The following ITGB8 variants were observed in gnomAD, a reference collection of about 807,000 sequenced individuals.
The protein encoded by ITGB8 is integrin subunit beta 8, also known as integrin beta-8.
In ITGB8, 30 loss-of-function variants were observed where a neutral mutation model predicts 89.5. The observed-to-expected ratio is 0.34, with a 90% CI of 0.25 to 0.45. The LOEUF is 0.45. Among genes scored for constraint, ITGB8 ranks in the 20% least tolerant of loss-of-function variants. The pLI is 1.00. For missense variants in ITGB8, 836 were observed against 933.3 expected (o/e 0.90, Z 1.36); for synonymous variants, 335 against 320.4 (o/e 1.05, Z -0.49).
chr7:20,399,096 A>T, intron 9 of ITGB8, 102 bp downstream of exon 9: 1 of 1,167,194 alleles, frequency 8.6e-7, no homozygotes, highest in Non-Finnish European at 1.2e-6. Flanking sequence ...CTTACTACTG[A>T]CTCTAAGAAT....
At chr7:20,392,431 C>A (rs1786898827) in intron 7 of ITGB8, among the ~76,000 whole-genome samples, 1 of 152,170 alleles carries the variant, frequency 6.6e-6, no homozygotes, top group African/African-American at 2.4e-5. Context: ...GCTGGTGTTC[C>A]CCCTACCAGT....
At chr7:20,363,567 A>C (rs1377141849) in intron 1 of ITGB8, 70 bp from the exon 2 acceptor site, 2 of 838,948 alleles carry the variant, frequency 2.4e-6, no homozygotes, top group African/African-American at 3.5e-5. Context: ...CATTTGTTTC[A>C]TTTTAGTCTA....
At chr7:20,381,924 T>G in intron 6 of ITGB8, 39 bp downstream of exon 6, 1 of 1,536,240 alleles carries the variant, frequency 6.5e-7, no homozygotes, top group South Asian at 1.2e-5. Flanking sequence ...ATGACTCTTT[T>G]GGTTAAAGTA....
intron 6 of ITGB8, among the ~76,000 whole-genome samples, chr7:20,384,821 T>A (rs1165971423): frequency 6.6e-6 from 1 of 152,236 alleles, no homozygotes; most frequent in East Asian, 1.9e-4. Context: ...ACATATAAAA[T>A]AATTTATATT....
intron 11 of ITGB8, 50 bp from the exon 12 acceptor site, chr7:20,406,012 C>T (rs41273824): frequency 2.8e-4 from 305 of 1,079,780 alleles, no homozygotes; most frequent in Non-Finnish European, 4.1e-4. Context: ...ATATTATAGT[C>T]CACCACCTTT....
chr7:20,378,678 G>A (rs1023764364), intron 3 of ITGB8, among the ~76,000 whole-genome samples: 2 of 151,932 alleles, frequency 1.3e-5, no homozygotes, highest in East Asian at 1.9e-4. Context: ...TCTTGAGATC[G>A]AATGCCGCTT....
At chr7:20,378,419 A>G (rs1786242955) in intron 3 of ITGB8, among the ~76,000 whole-genome samples, 2 of 152,172 alleles carry the variant, frequency 1.3e-5, no homozygotes, top group African/African-American at 4.8e-5. Context: ...ACCATTCTTT[A>G]GCCCACTGTC....
chr7:20,379,534 A>AAAC, intron 4 of ITGB8: 1 of 181,666 alleles, frequency 5.5e-6, no homozygotes, highest in East Asian at 1.3e-4. Flanking sequence ...ACCAAAAAAA[A>AAAC]CAAAAAAACA....
rs989959179 is a variant in ITGB8 at position 20,410,192 on chromosome 7, T to A, written c.*195T>A. ...AGCTGCTGACTTTTTCAGAGAAAAA[T>A]GTGTCTTACTACTGTTTGAGACTAG... On this transcript the variant is annotated 3_prime_UTR_variant, in exon 14 of 14. Transcript: ENST00000222573. The A allele has an allele frequency of 1.2e-5, 7 of 578,822 alleles. No homozygotes were observed. Among genetic ancestry groups the A allele is most frequent in the Non-Finnish European group, 2.1e-5 (7 of 326,690 alleles). The allele number at this position is 578,822 out of a possible 1,614,324, so 35.9% of individuals were successfully genotyped here.
intron 7 of ITGB8, among the ~76,000 whole-genome samples, chr7:20,394,206 T>A (rs1036714910): frequency 6.6e-6 from 1 of 152,216 alleles, no homozygotes; most frequent in Non-Finnish European, 1.5e-5. Context: ...ATTTCAAAAC[T>A]TTTTACCATC....
At chr7:20,361,591 T>A (rs1387336321) in intron 1 of ITGB8, among the ~76,000 whole-genome samples, 4 of 152,200 alleles carry the variant, frequency 2.6e-5, no homozygotes. Flanking sequence ...AGGCCCCAGC[T>A]CTTAATACTA....
intron 1 of ITGB8, among the ~76,000 whole-genome samples, chr7:20,344,793 C>A (rs981381389): frequency 6.6e-6 from 1 of 152,170 alleles, no homozygotes; most frequent in Admixed American, 6.5e-5. Flanking sequence ...AGAGAGAGAG[C>A]ACATACGATG....
At chr7:20,366,765 G>A (rs1022328539) in intron 2 of ITGB8, 7 of 373,794 alleles carry the variant, frequency 1.9e-5, no homozygotes, top group Non-Finnish European at 2.9e-5. Flanking sequence ...CTCTGTCTCC[G>A]ACACAGAAAA....
chr7:20,377,148 G>A (rs1011339696), intron 3 of ITGB8, among the ~76,000 whole-genome samples: 1 of 152,090 alleles, frequency 6.6e-6, no homozygotes, highest in Non-Finnish European at 1.5e-5. Flanking sequence ...TGTTTGCTGA[G>A]GTCACCAACC....
intron 1 of ITGB8, among the ~76,000 whole-genome samples, chr7:20,343,407 G>A (rs1263625353): frequency 4.6e-5 from 7 of 152,106 alleles, no homozygotes; most frequent in East Asian, 3.9e-4. Flanking sequence ...AGGTGACATC[G>A]TCCTGTTATC....
At chr7:20,339,559 T>C (rs932292880) in intron 1 of ITGB8, among the ~76,000 whole-genome samples, 1 of 152,210 alleles carries the variant, frequency 6.6e-6, no homozygotes, top group Non-Finnish European at 1.5e-5. Flanking sequence ...AACAGATATA[T>C]TTAAATTATC....
At position 20,409,763 on chromosome 7, in the gene ITGB8, G is replaced by T. The variant is rs749366645; in HGVS notation, c.2172G>T (p.Val724=). 1 of 1,612,894 alleles carries T rather than the reference G, an allele frequency of 6.2e-7. No individual in the cohort carries two copies. The highest frequency in any genetic ancestry group is 8.5e-7 in the Non-Finnish European group (1 of 1,179,438). ...NKIKSSSDYR[V]SASKKDKLIL... The stretch of plus-strand genomic sequence containing the variant: ...TTAAGTCCTCATCAGATTACAGAGT[G>T]TCAGCCTCAAAAAAGGTCAGTGAAT... Residue 724 remains valine (V), a synonymous_variant, in exon 13 of 14, where the codon GTG becomes GTT. Transcript: ENST00000222573.
At chr7:20,377,133 C>T (rs554100808) in intron 3 of ITGB8, among the ~76,000 whole-genome samples, 5 of 152,312 alleles carry the variant, frequency 3.3e-5, no homozygotes, top group Admixed American at 3.3e-4. Flanking sequence ...TGTACAGGCC[C>T]TGGTTGTTTG....
chr7:20,412,667 A>T lies in ITGB8; in HGVS notation c.*2670A>T, dbSNP rs1051192050. 6.6e-6 allele frequency: 1 copy of T among 152,602 alleles called. No homozygotes were observed. Among genetic ancestry groups the T allele is most frequent in the Admixed American group, 6.5e-5 (1 of 15,278 alleles). 9.5% of individuals were successfully genotyped at this position (152,602 alleles called of 1,614,324 possible). ...GACGATGATTGTGGTTATGCTTGCA[A>T]AGTCTTGTGCTTATCTTTTTTGTTT... On this transcript the variant is annotated 3_prime_UTR_variant, in exon 14 of 14. Coordinates refer to ENST00000222573, the MANE Select transcript of ITGB8 (RefSeq NM_002214.3).
Sources: gnomAD v4.1 joint callset for allele counts (sites outside exome capture counted in the v4.1 genomes callset) on GRCh38, gnomAD v4.1.1 for gene constraint, MANE v1.5 for transcripts, NCBI Gene and HGNC (gene_info 2026-07-23, HGNC 2026-07-21) for gene names.